KAZN: variants seen among roughly 807,000 people sequenced by gnomAD.
KAZN encodes kazrin, periplakin interacting protein.
A neutral mutation model predicts 87.4 loss-of-function variants in KAZN; 40 were observed. The observed-to-expected ratio is 0.46, with a 90% CI of 0.36 to 0.60. KAZN has a LOEUF of 0.60. Ranked by LOEUF, KAZN falls within the 20% of genes least tolerant of loss-of-function variation. KAZN has a pLI of 0.00. For missense variants in KAZN, 898 were observed against 1,073.9 expected (o/e 0.84, Z 2.29); for synonymous variants, 466 against 458.3 (o/e 1.02, Z -0.22).
At chr1:15,060,618 C>T (rs570367064) in intron 6 of KAZN, 31 of 362,180 alleles carry the variant, frequency 8.6e-5, no homozygotes, top group Non-Finnish European at 1.2e-4. Flanking sequence ...TCTCCTCCCA[C>T]ACATTACCTT....
At chr1:14,124,048 CCT>C (rs1644809003) in intron 1 of KAZN, among the ~76,000 whole-genome samples, 1 of 152,186 alleles carries the variant, frequency 6.6e-6, no homozygotes, top group Non-Finnish European at 1.5e-5. Context: ...ACGACTTTTC[CCT>C]CCATTTCCAA....
intron 2 of KAZN, among the ~76,000 whole-genome samples, chr1:14,360,830 C>T (rs956832827): frequency 5.9e-5 from 9 of 152,188 alleles, no homozygotes; most frequent in African/African-American, 1.9e-4. Context: ...CAGAGGGGCA[C>T]CTGCCAGATG....
intron 2 of KAZN, among the ~76,000 whole-genome samples, chr1:14,320,449 G>T (rs1655971561): frequency 6.6e-6 from 1 of 151,934 alleles, no homozygotes. Context: ...CTCATGTTAG[G>T]CTTATCTCTA....
chr1:14,095,889 A>C (rs11800511), intron 1 of KAZN, among the ~76,000 whole-genome samples: 1 of 152,180 alleles, frequency 6.6e-6, no homozygotes, highest in Admixed American at 6.5e-5. Context: ...AGGATGGGAC[A>C]TAGACTCCGT....
At chr1:15,073,864 G>A (rs1031005282) in intron 8 of KAZN, among the ~76,000 whole-genome samples, 24 of 152,236 alleles carry the variant, frequency 1.6e-4, no homozygotes, top group African/African-American at 5.8e-4. Context: ...TAAACTGGGG[G>A]CAAGTCAGCC....
intron 2 of KAZN, among the ~76,000 whole-genome samples, chr1:14,188,205 G>GTGTT (rs892595425): frequency 8.0e-6 from 1 of 125,682 alleles, no homozygotes; most frequent in African/African-American, 2.8e-5. Context: ...GTGTGTGTGT[G>GTGTT]TGTGTGTGTG....
At chr1:14,151,199 G>GAA (rs35565059) in intron 1 of KAZN, among the ~76,000 whole-genome samples, 1 of 151,626 alleles carries the variant, frequency 6.6e-6, no homozygotes, top group African/African-American at 2.4e-5. Flanking sequence ...CCAGATTGTA[G>GAA]AAAAAAAAGA....
intron 4 of KAZN, among the ~76,000 whole-genome samples, chr1:15,048,713 G>A (rs1206362646): frequency 1.5e-4 from 22 of 145,432 alleles, no homozygotes; most frequent in African/African-American, 4.4e-4. Context: ...TTGGTCGTTG[G>A]TCCTGGGTCG....
intron 2 of KAZN, among the ~76,000 whole-genome samples, chr1:14,507,296 A>G (rs1424804472): frequency 2.0e-5 from 3 of 152,196 alleles, no homozygotes; most frequent in African/African-American, 7.2e-5. Context: ...TAATGATGCT[A>G]AACAAAATTC....
intron 8 of KAZN, chr1:15,068,101 G>T: frequency 1.1e-6 from 1 of 918,218 alleles, no homozygotes; most frequent in Non-Finnish European, 1.3e-6. Context: ...AGGCATGGAT[G>T]CAAATATAAA....
intron 1 of KAZN, among the ~76,000 whole-genome samples, chr1:14,099,326 A>C (rs1488114071): frequency 6.6e-6 from 1 of 152,122 alleles, no homozygotes; most frequent in Non-Finnish European, 1.5e-5. Flanking sequence ...CATTTTTCTA[A>C]GAGATGGCTT....
In KAZN at chr1:15,043,995, G is replaced by A. The variant is rs1479526351; in HGVS notation, c.562G>A (p.Glu188Lys). The change falls in exon 4 of 15, where the codon GAG becomes AAG. Residue 188 changes from glutamate (E) to lysine (K), a missense_variant. Transcript: ENST00000376030. Reference protein sequence around the residue: ...RNYEQHRKESEDAVKALAKEK... With the variant: ...RNYEQHRKESKDAVKALAKEK... ...CTCCCTCTCCCACCCACAGGAGAGC[G>A]AGGATGCGGTCAAAGCGCTGGCCAA... 5 of 1,609,816 alleles carry A rather than the reference G, an allele frequency of 3.1e-6. No individual in the cohort carries two copies. Among genetic ancestry groups the A allele is most frequent in the South Asian group, 2.2e-5 (2 of 90,586 alleles).
In KAZN at chr1:14,599,918, C is replaced by G. The variant is rs1308874556; in HGVS notation, c.226+695C>G. On this transcript the variant is annotated intron_variant, in intron 1 of 14. Transcript: ENST00000376030. This position sits in a 1 kb window ranked among gnomAD's most constrained non-coding sequence, Gnocchi z 4.4. ...GCTTAGGGTGGTGGGCTGCAGGGAG[C>G]CCGTTTGAAGGGACTCTGCGGTTTA... is the stretch of plus-strand genomic sequence containing the variant. Among the ~76,000 whole-genome samples, 5 of 151,702 alleles carry G rather than the reference C, an allele frequency of 3.3e-5. No homozygotes were observed. The highest frequency in any genetic ancestry group is 7.4e-5 in the Non-Finnish European group (5 of 68,000).
rs1266826431 is a variant in KAZN, at chr1:14,949,987, A to G, written c.227-10697A>G. On this transcript the variant is annotated intron_variant, in intron 1 of 14. Coordinates refer to ENST00000376030, the MANE Select transcript of KAZN (RefSeq NM_201628.3). The surrounding 1 kb of genome is among the most constrained non-coding windows in gnomAD (Gnocchi z 4.3). ...GCGGCTTCACCGGAAGAGCCTCTGC[A>G]CGGAAGACGGTTTCAACACCACCTA... 6.6e-6 allele frequency among the ~76,000 whole-genome samples: 1 copy of G among 152,050 alleles called. No homozygotes were observed. Among genetic ancestry groups the G allele is most frequent in the Admixed American group, 6.6e-5 (1 of 15,264 alleles).
chr1:14,338,733 G>A (rs934443742), intron 2 of KAZN, among the ~76,000 whole-genome samples: 4 of 152,288 alleles, frequency 2.6e-5, no homozygotes, highest in African/African-American at 9.6e-5. Flanking sequence ...GAAGCACCAA[G>A]GTCTTCTGTT....
intron 2 of KAZN, among the ~76,000 whole-genome samples, chr1:14,390,348 G>C (rs908422818): frequency 1.3e-5 from 2 of 152,128 alleles, no homozygotes; most frequent in Non-Finnish European, 2.9e-5. Flanking sequence ...TGTAAACTTC[G>C]AAGAAAATAT....
At position 14,857,795 on chromosome 1, in the gene KAZN, C is replaced by G. The variant is rs1295525850; in HGVS notation, c.227-102889C>G. On this transcript the variant is annotated intron_variant, in intron 1 of 14. Transcript: ENST00000376030. ...AAGCAAGGCTCATGGGAAGAGTGGC[C>G]CCTTTTTATTTTGCTTTTTGTAACA... Among the ~76,000 whole-genome samples, 3 of 151,554 alleles carry G rather than the reference C, an allele frequency of 2.0e-5. No individual in the cohort carries two copies. In the East Asian group the frequency reaches 5.8e-4, roughly 29 times the overall value.
chr1:14,736,077 G>A (rs1290505911), intron 1 of KAZN, among the ~76,000 whole-genome samples: 1 of 152,158 alleles, frequency 6.6e-6, no homozygotes, highest in Non-Finnish European at 1.5e-5. Flanking sequence ...TACCTCCGGT[G>A]GATGAGGCCA....
intron 4 of KAZN, among the ~76,000 whole-genome samples, chr1:15,052,924 C>T (rs961693434): frequency 2.0e-5 from 3 of 152,194 alleles, no homozygotes; most frequent in Non-Finnish European, 4.4e-5. Context: ...AGAAGGAAGC[C>T]GATGGGTTCA....
Sources: gnomAD v4.1 joint callset for allele counts (sites outside exome capture counted in the v4.1 genomes callset) on GRCh38, gnomAD v4.1.1 for gene constraint, Gnocchi (gnomAD v3.1) non-coding constraint, MANE v1.5 for transcripts, NCBI Gene and HGNC (gene_info 2026-07-23, HGNC 2026-07-21) for gene names.